Variants in NELL1 observed in about 807,000 individuals in gnomAD.
The protein encoded by NELL1 is neural EGFL like 1, also known as protein kinase C-binding protein NELL1.
A neutral mutation model predicts 107.4 loss-of-function variants in NELL1; 76 were observed. The ratio of observed to expected loss-of-function variants is 0.71; its 90% CI spans 0.59 to 0.86. The LOEUF (loss-of-function observed/expected upper bound fraction) is 0.86. Ranked by LOEUF, NELL1 falls within the 40% of genes least tolerant of loss-of-function variation. The pLI is 0.00. For missense variants in NELL1, 1,024 were observed against 1,005.5 expected, an observed-to-expected ratio of 1.02 and a Z score of -0.25; for synonymous variants, 353 against 341.2, an observed-to-expected ratio of 1.03 and a Z score of -0.38.
intron 13 of NELL1, among the ~76,000 whole-genome samples, chr11:21,166,902 A>G (rs17233047): frequency 0.039 from 5,886 of 152,020 alleles, 177 homozygotes; most frequent in Non-Finnish European, 0.059. Context: ...AAAAATGCCA[A>G]TGAGATAACT....
At chr11:21,088,702 C>T (rs1304487036) in intron 12 of NELL1, among the ~76,000 whole-genome samples, 1 of 152,106 alleles carries the variant, frequency 6.6e-6, no homozygotes, top group Non-Finnish European at 1.5e-5. Flanking sequence ...CTATTCATAC[C>T]TCACGTCTAA....
At chr11:20,672,966 C>T (rs1176374681) in intron 1 of NELL1, among the ~76,000 whole-genome samples, 1 of 65,504 alleles carries the variant, frequency 1.5e-5, no homozygotes, top group African/African-American at 1.0e-4. Flanking sequence ...ATTCTCCTGC[C>T]TCAGCCCCCC....
At chr11:20,864,022 C>T (rs1235796279) in intron 4 of NELL1, among the ~76,000 whole-genome samples, 1 of 152,094 alleles carries the variant, frequency 6.6e-6, no homozygotes, top group Non-Finnish European at 1.5e-5. Context: ...GCAGGAGAAT[C>T]AGGCAGGGAG....
chr11:21,274,654 G>T (rs546070140), intron 14 of NELL1, among the ~76,000 whole-genome samples: 1 of 152,260 alleles, frequency 6.6e-6, no homozygotes, highest in South Asian at 2.1e-4. Flanking sequence ...TGGAAGTAAA[G>T]CACTCCTCAG....
chr11:21,237,878 T>C (rs1858250097), intron 14 of NELL1, among the ~76,000 whole-genome samples: 1 of 152,102 alleles, frequency 6.6e-6, no homozygotes, highest in Non-Finnish European at 1.5e-5. Flanking sequence ...ATTTTCTCTC[T>C]CTTTTTCTTT....
At chr11:20,950,269 G>A (rs781500018) in intron 11 of NELL1, among the ~76,000 whole-genome samples, 4 of 152,130 alleles carry the variant, frequency 2.6e-5, no homozygotes, top group Non-Finnish European at 5.9e-5. Flanking sequence ...TTCCCATCAG[G>A]CAATCAGGAA....
At chr11:21,482,275 A>G (rs1854512204) in intron 15 of NELL1, among the ~76,000 whole-genome samples, 1 of 152,200 alleles carries the variant, frequency 6.6e-6, no homozygotes, top group African/African-American at 2.4e-5. Context: ...AATCTCCAAC[A>G]GACCCCACGC....
chr11:20,916,715 T>C (rs2134157100), intron 5 of NELL1, among the ~76,000 whole-genome samples: 1 of 152,034 alleles, frequency 6.6e-6, no homozygotes, highest in East Asian at 1.9e-4. Context: ...GATGGAAATC[T>C]ATAGTTTTGT....
At chr11:21,365,067 A>G (rs1473237190) in intron 14 of NELL1, among the ~76,000 whole-genome samples, 2 of 152,176 alleles carry the variant, frequency 1.3e-5, no homozygotes, top group Non-Finnish European at 2.9e-5. Context: ...TGTTTTGCGC[A>G]GCTTTGCATC....
intron 5 of NELL1, among the ~76,000 whole-genome samples, chr11:20,916,210 C>A (rs1850252489): frequency 6.6e-6 from 1 of 151,692 alleles, no homozygotes; most frequent in Admixed American, 6.6e-5. Flanking sequence ...GTTTTTTGTT[C>A]AAGTCAACAT....
intron 3 of NELL1, among the ~76,000 whole-genome samples, chr11:20,806,721 A>C (rs918175446): frequency 6.6e-6 from 1 of 151,960 alleles, no homozygotes; most frequent in Non-Finnish European, 1.5e-5. Context: ...TGTGCTTCAT[A>C]GTGTTTTATT....
intron 13 of NELL1, among the ~76,000 whole-genome samples, chr11:21,135,697 C>A (rs998626213): frequency 1.3e-5 from 2 of 152,066 alleles, no homozygotes; most frequent in African/African-American, 4.8e-5. Context: ...CATATAGAAT[C>A]AGCAACTAAA....
rs1854100222 is a variant in NELL1 at position 20,677,940 on chromosome 11, T to A, written c.64T>A (p.Phe22Ile). The part of the protein sequence containing the change: ...CVCTARTVVG[F>I]GMDPDLQMDI... The stretch of plus-strand genomic sequence containing the variant: ...TCTTTGTTCCTTTCCAGTGGTGGGC[T>A]TTGGGATGGACCCTGACCTTCAGAT... Residue 22 changes from phenylalanine to isoleucine, a missense_variant, in exon 2 of 20, where the codon TTT (phenylalanine) becomes ATT (isoleucine). Coordinates refer to ENST00000357134, the MANE Select transcript of NELL1 (RefSeq NM_006157.5). 3 of 1,614,100 alleles carry A rather than the reference T, an allele frequency of 1.9e-6. No homozygotes were observed. The highest frequency in any genetic ancestry group is 2.5e-6 in the Non-Finnish European group (3 of 1,179,994).
chr11:21,238,786 A>G (rs1349379553), intron 14 of NELL1, among the ~76,000 whole-genome samples: 3 of 152,098 alleles, frequency 2.0e-5, no homozygotes, highest in African/African-American at 4.8e-5. Flanking sequence ...TATTATAACC[A>G]TTAGGTGCAT....
intron 4 of NELL1, among the ~76,000 whole-genome samples, chr11:20,868,080 C>T (rs1165921164): frequency 6.6e-6 from 1 of 152,080 alleles, no homozygotes; most frequent in Non-Finnish European, 1.5e-5. Context: ...CTCATTTGAC[C>T]TTCAGAACAA....
At chr11:20,728,195 T>C (rs773236049) in intron 2 of NELL1, among the ~76,000 whole-genome samples, 25 of 152,148 alleles carry the variant, frequency 1.6e-4, no homozygotes, top group Non-Finnish European at 3.5e-4. Flanking sequence ...CCTAATAGAT[T>C]CTGGATCTTA....
intron 3 of NELL1, among the ~76,000 whole-genome samples, chr11:20,826,825 G>A (rs1857895116): frequency 6.6e-6 from 1 of 151,202 alleles, no homozygotes; most frequent in Non-Finnish European, 1.5e-5. Context: ...CAAGACCTTT[G>A]CATGGAGGAG....
At chr11:21,240,264 G>A (rs1018932323) in intron 14 of NELL1, among the ~76,000 whole-genome samples, 1 of 152,014 alleles carries the variant, frequency 6.6e-6, no homozygotes, top group Non-Finnish European at 1.5e-5. Context: ...ATTATTAACT[G>A]CAGTGTTAGG....
intron 3 of NELL1, among the ~76,000 whole-genome samples, chr11:20,806,140 TATCAGA>T (rs1857378865): frequency 1.3e-5 from 2 of 150,754 alleles, no homozygotes; most frequent in Non-Finnish European, 3.0e-5. Context: ...TTTTTTTTTT[TATCAGA>T]TTGAAGAACT....
Sources: gnomAD v4.1 joint callset for allele counts (sites outside exome capture counted in the v4.1 genomes callset) on GRCh38, gnomAD v4.1.1 for gene constraint, MANE v1.5 for transcripts, NCBI Gene and HGNC (gene_info 2026-07-23, HGNC 2026-07-21) for gene names.